The following CACNA2D3 variants were observed in gnomAD, a reference collection of about 807,000 sequenced individuals.
The protein encoded by CACNA2D3 is calcium voltage-gated channel auxiliary subunit alpha2delta 3.
Under a neutral mutation model 160.6 loss-of-function variants are expected in CACNA2D3, and 60 were observed. The observed-to-expected ratio is 0.37, with a 90% CI of 0.30 to 0.46. The LOEUF is 0.46. Ranked by LOEUF, CACNA2D3 falls within the 20% of genes least tolerant of loss-of-function variation. The probability of loss-of-function intolerance (pLI) is 1.00; values close to 1 mark genes in which losing one functional copy is unlikely to be tolerated. For missense variants in CACNA2D3, 1,205 were observed against 1,365.0 expected, an observed-to-expected ratio of 0.88 and a Z score of 1.85; for synonymous variants, 558 against 492.9, an observed-to-expected ratio of 1.13 and a Z score of -1.75.
At chr3:54,542,478 C>T (rs1701997103) in intron 5 of CACNA2D3, among the ~76,000 whole-genome samples, 1 of 152,176 alleles carries the variant, frequency 6.6e-6, no homozygotes, top group Non-Finnish European at 1.5e-5. Context: ...AGTCTCAAAA[C>T]CTCACAAGTA....
intron 2 of CACNA2D3, among the ~76,000 whole-genome samples, chr3:54,154,402 C>T (rs1700204859): frequency 6.6e-6 from 1 of 152,070 alleles, no homozygotes; most frequent in African/African-American, 2.4e-5. Flanking sequence ...GGCCCAAGGT[C>T]AAGTGATGGA....
At chr3:54,780,710 C>T (rs183894698) in intron 13 of CACNA2D3, among the ~76,000 whole-genome samples, 156 of 152,250 alleles carry the variant, frequency 1.0e-3, no homozygotes, top group African/African-American at 3.4e-3. Flanking sequence ...AGGAAAATTC[C>T]CAGAAAGCCT....
At chr3:54,829,036 A>G (rs969923167) in intron 14 of CACNA2D3, among the ~76,000 whole-genome samples, 11 of 152,244 alleles carry the variant, frequency 7.2e-5, no homozygotes, top group Non-Finnish European at 1.5e-4. Context: ...ACAATCAGCA[A>G]ACCTTAAGAT....
At chr3:54,739,971 T>G (rs1023022056) in intron 11 of CACNA2D3, among the ~76,000 whole-genome samples, 2 of 152,092 alleles carry the variant, frequency 1.3e-5, no homozygotes, top group Non-Finnish European at 2.9e-5. Context: ...TTCCTCCCCA[T>G]TGTGCCTCCA....
chr3:54,774,721 G>A (rs1702393372), intron 13 of CACNA2D3, among the ~76,000 whole-genome samples: 1 of 136,022 alleles, frequency 7.4e-6, no homozygotes, highest in Non-Finnish European at 1.5e-5. Flanking sequence ...TGCAACTTCT[G>A]CCTCCTGAGT....
At chr3:54,890,293 G>A (rs1057497415) in intron 24 of CACNA2D3, among the ~76,000 whole-genome samples, 1 of 151,994 alleles carries the variant, frequency 6.6e-6, no homozygotes, top group Admixed American at 6.6e-5. Context: ...GCAGGAGATC[G>A]AGACCATCCT....
At chr3:54,245,711 C>A (rs543206677) in intron 2 of CACNA2D3, among the ~76,000 whole-genome samples, 1 of 152,266 alleles carries the variant, frequency 6.6e-6, no homozygotes, top group African/African-American at 2.4e-5. Flanking sequence ...ACGATCTCCC[C>A]CAGTCTCTCA....
At chr3:54,886,052 A>C (rs1699917290) in intron 23 of CACNA2D3, among the ~76,000 whole-genome samples, 1 of 152,140 alleles carries the variant, frequency 6.6e-6, no homozygotes, top group Non-Finnish European at 1.5e-5. Flanking sequence ...CCTACCAAGC[A>C]TCCCCTTCTA....
At chr3:54,207,034 G>T (rs1701288009) in intron 2 of CACNA2D3, among the ~76,000 whole-genome samples, 3 of 152,184 alleles carry the variant, frequency 2.0e-5, no homozygotes, top group Non-Finnish European at 4.4e-5. Flanking sequence ...CTAGACACAG[G>T]GTAGGTGATA....
chr3:54,156,903 A>G (rs1700254720), intron 2 of CACNA2D3, among the ~76,000 whole-genome samples: 1 of 152,190 alleles, frequency 6.6e-6, no homozygotes, highest in Admixed American at 6.5e-5. Context: ...GTGAGATGAG[A>G]AATGATCATT....
At chr3:55,054,613 GTATAA>G (rs781391632) in intron 35 of CACNA2D3, among the ~76,000 whole-genome samples, 2 of 149,772 alleles carry the variant, frequency 1.3e-5, no homozygotes, top group Non-Finnish European at 3.0e-5. Flanking sequence ...ATATTATAAA[GTATAA>G]TATATTACCA....
intron 2 of CACNA2D3, among the ~76,000 whole-genome samples, chr3:54,284,887 T>C (rs1162252846): frequency 1.3e-5 from 2 of 152,242 alleles, no homozygotes; most frequent in African/African-American, 4.8e-5. Context: ...TCCAATGTAT[T>C]TGACATTAAT....
intron 5 of CACNA2D3, among the ~76,000 whole-genome samples, chr3:54,546,345 G>A (rs1398290108): frequency 6.6e-6 from 1 of 152,192 alleles, no homozygotes; most frequent in African/African-American, 2.4e-5. Context: ...TTGAGTAGGT[G>A]TGTTTGGTTC....
intron 2 of CACNA2D3, among the ~76,000 whole-genome samples, chr3:54,136,113 A>G (rs1000641704): frequency 3.3e-5 from 5 of 152,180 alleles, no homozygotes; most frequent in African/African-American, 9.6e-5. Flanking sequence ...CTCTCCTCAG[A>G]TTCAATTGCA....
intron 2 of CACNA2D3, among the ~76,000 whole-genome samples, chr3:54,308,857 C>A (rs1296213790): frequency 6.6e-6 from 1 of 152,114 alleles, no homozygotes; most frequent in East Asian, 1.9e-4. Context: ...GGTGAATTAT[C>A]TTCAACTGGA....
At chr3:55,035,636 T>C (rs1432594518) in intron 35 of CACNA2D3, among the ~76,000 whole-genome samples, 1 of 152,218 alleles carries the variant, frequency 6.6e-6, no homozygotes, top group Non-Finnish European at 1.5e-5. Context: ...TATCTATTTT[T>C]ATGTCATTTC....
intron 13 of CACNA2D3, among the ~76,000 whole-genome samples, chr3:54,808,222 T>G (rs1703186103): frequency 6.6e-6 from 1 of 151,912 alleles, no homozygotes; most frequent in African/African-American, 2.4e-5. Context: ...TTTTAAAAAA[T>G]AAAAAATAGT....
In CACNA2D3 at chr3:54,588,735, CAT is replaced by C. The variant is rs1005592337; in HGVS notation, c.963+6859_963+6860del. ...TTCCAAAGAAATAAGCCTAACAAAA[CAT>C]GTGTATATAGGCTGTATTTGCTGAA... On this transcript the variant is annotated intron_variant, in intron 9 of 37. Coordinates refer to ENST00000474759, the MANE Select transcript of CACNA2D3 (RefSeq NM_018398.3). 1.4e-3 allele frequency among the ~76,000 whole-genome samples: 218 copies of C among 151,958 alleles called. 1 individual carries two copies. Among genetic ancestry groups the C allele is most frequent in the African/African-American group, 4.8e-3 (199 of 41,502 alleles).
At chr3:54,723,831 C>T (rs1471816709) in intron 11 of CACNA2D3, among the ~76,000 whole-genome samples, 25 of 152,198 alleles carry the variant, frequency 1.6e-4, no homozygotes, top group Admixed American at 1.6e-3. Flanking sequence ...TCCTATTCAG[C>T]CATCTTGCAC....
Sources: gnomAD v4.1 joint callset for allele counts (sites outside exome capture counted in the v4.1 genomes callset) on GRCh38, gnomAD v4.1.1 for gene constraint, MANE v1.5 for transcripts, NCBI Gene and HGNC (gene_info 2026-07-23, HGNC 2026-07-21) for gene names.